The following PDE4D variants were observed in gnomAD, a reference collection of about 807,000 sequenced individuals.
PDE4D encodes 3',5'-cyclic-AMP phosphodiesterase 4D.
A neutral mutation model predicts 87.4 loss-of-function variants in PDE4D; 24 were observed. That is an observed-to-expected ratio of 0.27 (90% CI 0.20 to 0.39). PDE4D has a LOEUF of 0.39. Among genes scored for constraint, PDE4D ranks in the 10% least tolerant of loss-of-function variants. The pLI, the probability that PDE4D is intolerant of heterozygous loss-of-function variation, is 1.00. For missense variants in PDE4D, 714 were observed against 1,041.0 expected, an observed-to-expected ratio of 0.69 and a Z score of 4.32; for synonymous variants, 384 against 383.2, an observed-to-expected ratio of 1.00 and a Z score of -0.02.
intron 1 of PDE4D, among the ~76,000 whole-genome samples, chr5:59,510,824 C>T (rs977847572): frequency 1.3e-5 from 2 of 151,866 alleles, no homozygotes; most frequent in Non-Finnish European, 2.9e-5. Context: ...AGTGGTGGCA[C>T]TAGTGATTCC....
chr5:60,111,815 A>T (rs959594002), intron 2 of PDE4D, among the ~76,000 whole-genome samples: 1 of 152,086 alleles, frequency 6.6e-6, no homozygotes, highest in South Asian at 2.1e-4. Context: ...TAAAAACCTA[A>T]AGTTAATAAA....
At chr5:59,472,080 G>A (rs776167960) in intron 1 of PDE4D, among the ~76,000 whole-genome samples, 1 of 152,074 alleles carries the variant, frequency 6.6e-6, no homozygotes. Flanking sequence ...GCCAATTTAT[G>A]CAAAAAGAGA....
At chr5:59,194,264 T>A (rs895235866) in intron 2 of PDE4D, among the ~76,000 whole-genome samples, 1 of 152,214 alleles carries the variant, frequency 6.6e-6, no homozygotes, top group African/African-American at 2.4e-5. Flanking sequence ...TCTTTTGTGG[T>A]ATTTCTTAGC....
At chr5:59,860,071 C>T (rs1746031903) in intron 1 of PDE4D, among the ~76,000 whole-genome samples, 1 of 152,150 alleles carries the variant, frequency 6.6e-6, no homozygotes, top group African/African-American at 2.4e-5. Context: ...GAGAAATCAA[C>T]AAGATATTAG....
intron 1 of PDE4D, among the ~76,000 whole-genome samples, chr5:60,467,657 G>T (rs1051683830): frequency 2.0e-5 from 3 of 152,148 alleles, no homozygotes; most frequent in Non-Finnish European, 4.4e-5. Flanking sequence ...CTGCTATAAA[G>T]AACTACCTGA....
intron 1 of PDE4D, among the ~76,000 whole-genome samples, chr5:59,281,640 C>A (rs530018813): frequency 6.6e-6 from 1 of 152,198 alleles, no homozygotes; most frequent in South Asian, 2.1e-4. Context: ...TGTTGCACAA[C>A]GATTATCTCC....
At chr5:59,359,304 A>C (rs1781856480) in intron 1 of PDE4D, among the ~76,000 whole-genome samples, 1 of 152,258 alleles carries the variant, frequency 6.6e-6, no homozygotes, top group African/African-American at 2.4e-5. Flanking sequence ...TATGAACAAG[A>C]AAATTGAAAC....
At chr5:59,517,278 G>C (rs552179123) in intron 1 of PDE4D, among the ~76,000 whole-genome samples, 1 of 152,252 alleles carries the variant, frequency 6.6e-6, no homozygotes, top group African/African-American at 2.4e-5. Context: ...TGCATAAAAT[G>C]CATGCATATT....
intron 5 of PDE4D, among the ~76,000 whole-genome samples, chr5:59,072,890 AC>A (rs1396110094): frequency 1.3e-5 from 2 of 152,206 alleles, no homozygotes; most frequent in African/African-American, 4.8e-5. Flanking sequence ...TTTTAGGATG[AC>A]CGATTCTGAA....
chr5:59,194,764 T>G (rs1310749049), intron 2 of PDE4D, among the ~76,000 whole-genome samples: 1 of 152,220 alleles, frequency 6.6e-6, no homozygotes. Context: ...ATGATCATTT[T>G]ATAGAAGAGG....
chr5:60,226,668 A>C (rs2149610979), intron 1 of PDE4D, among the ~76,000 whole-genome samples: 1 of 152,208 alleles, frequency 6.6e-6, no homozygotes, highest in South Asian at 2.1e-4. Context: ...GAATCAGAAG[A>C]AACAAGAGTT....
intron 1 of PDE4D, among the ~76,000 whole-genome samples, chr5:60,289,540 T>G (rs569228334): frequency 6.6e-6 from 1 of 152,148 alleles, no homozygotes. Flanking sequence ...TCCCCACCCC[T>G]GTAGAGGAGA....
At position 59,911,865 on chromosome 5, in the gene PDE4D, A is replaced by G. The variant is rs574309878; in HGVS notation, c.272+76623T>C. Among the ~76,000 whole-genome samples the G allele has an allele frequency of 4.6e-5, 7 of 152,320 alleles. No individual in the cohort carries two copies. The South Asian group carries it at 1.0e-3, about 23-fold the overall frequency. On this transcript the variant is annotated intron_variant, in intron 3 of 16. Transcript: ENST00000502484. Reference sequence around the variant, plus strand: ...AAGTAATGTATTATGGTAATGTATAATGCACTTAGTTTCTATGACCAAAAC... The same window carrying G: ...AAGTAATGTATTATGGTAATGTATAGTGCACTTAGTTTCTATGACCAAAAC...
intron 9 of PDE4D, among the ~76,000 whole-genome samples, chr5:58,990,209 T>C (rs905722776): frequency 6.6e-6 from 1 of 152,182 alleles, no homozygotes; most frequent in African/African-American, 2.4e-5. Flanking sequence ...CCCATTATCA[T>C]GGAGGCAGCT....
At chr5:59,945,700 C>G (rs943928241) in intron 3 of PDE4D, among the ~76,000 whole-genome samples, 1 of 152,212 alleles carries the variant, frequency 6.6e-6, no homozygotes, top group African/African-American at 2.4e-5. Flanking sequence ...AAATAACCAT[C>G]TTGCTGGTGA....
At chr5:59,442,061 T>A (rs28706428) in intron 1 of PDE4D, among the ~76,000 whole-genome samples, 1 of 152,098 alleles carries the variant, frequency 6.6e-6, no homozygotes, top group African/African-American at 2.4e-5. Context: ...AGCATATTCC[T>A]GAGTTACCAG....
Position 60,146,518 on chromosome 5 carries a change from TTTC to T in PDE4D, c.42+39036_42+39038del, listed in dbSNP as rs140184245. On this transcript the variant is annotated intron_variant, in intron 2 of 16. Transcript: ENST00000502484. ...CCTCATTGACCCTTTTCCTCACAATTTTCTTCTTCTCCATCAGGTAATCATTGA... is the reference window on the plus strand; with the variant it reads ...CCTCATTGACCCTTTTCCTCACAATTTTCTTCTCCATCAGGTAATCATTGA... 7.4e-3 allele frequency among the ~76,000 whole-genome samples: 1,122 copies of T among 152,294 alleles called. 10 individuals are homozygous for T. The highest frequency in any genetic ancestry group is 0.026 in the African/African-American group (1,067 of 41,560).
chr5:59,866,351 A>G (rs567730106), intron 1 of PDE4D, among the ~76,000 whole-genome samples: 1 of 152,378 alleles, frequency 6.6e-6, no homozygotes, highest in Admixed American at 6.5e-5. Flanking sequence ...AGTAAAAGAA[A>G]TAATGGTGTT....
At chr5:59,355,067 C>A (rs1210564411) in intron 1 of PDE4D, among the ~76,000 whole-genome samples, 1 of 152,078 alleles carries the variant, frequency 6.6e-6, no homozygotes, top group Non-Finnish European at 1.5e-5. Flanking sequence ...AAACTTGTTA[C>A]AAATGAAACT....
Sources: gnomAD v4.1 joint callset for allele counts (sites outside exome capture counted in the v4.1 genomes callset) on GRCh38, gnomAD v4.1.1 for gene constraint, MANE v1.5 for transcripts, NCBI Gene and HGNC (gene_info 2026-07-23, HGNC 2026-07-21) for gene names.